RADIL: variants seen among roughly 807,000 people sequenced by gnomAD.
The protein encoded by RADIL is Rap associating with DIL domain.
RADIL carries 99 observed loss-of-function variants against 97.6 expected under a neutral mutation model. The ratio of observed to expected loss-of-function variants is 1.01; its 90% CI spans 0.86 to 1.20. RADIL has a LOEUF of 1.20. Among genes scored for constraint, RADIL ranks in the 50% most tolerant of loss-of-function variants. RADIL has a pLI of 0.00. For synonymous variants in RADIL, 803 were observed against 691.8 expected (o/e 1.16, Z -2.52); for missense variants, 1,765 against 1,498.9 (o/e 1.18, Z -2.93).
chr7:4,861,505 G>C, intron 2 of RADIL: 2 of 1,614,090 alleles, frequency 1.2e-6, no homozygotes, highest in Non-Finnish European at 1.7e-6. Context: ...ATCTGTAAGA[G>C]CCAAACGTAA....
In RADIL at chr7:4,873,823, C is replaced by T. The variant is rs1281775858; in HGVS notation, c.535+3782G>A. On this transcript the variant is annotated intron_variant, in intron 2 of 14. Transcript: ENST00000399583. The surrounding 1 kb of genome is among the most constrained non-coding windows in gnomAD (Gnocchi z 4.3). ...CCGGAGGTATGTAATGGAGAGGACA[C>T]GGTGGGTGTTAGGAAAGCCTCCCCA... 6.6e-6 allele frequency among the ~76,000 whole-genome samples: 1 copy of T among 152,190 alleles called. No homozygotes were observed. The highest frequency in any genetic ancestry group is 1.5e-5 in the Non-Finnish European group (1 of 68,026).
chr7:4,865,536 A>AT (rs1784111943), intron 2 of RADIL: 9 of 785,484 alleles, frequency 1.1e-5, no homozygotes, highest in Non-Finnish European at 1.9e-5. Flanking sequence ...TTCTTCAAAT[A>AT]TTTTTTGTTG....
rs746765966 is a variant in RADIL, at chr7:4,877,780, G to A, written c.360C>T (p.Gly120=). 27 of 1,612,062 alleles carry A rather than the reference G, an allele frequency of 1.7e-5. No homozygotes were observed. The East Asian group carries it at 3.6e-4, about 21-fold the overall frequency. The change falls in exon 2 of 15, where the codon GGC becomes GGT. Residue 120 remains glycine (G), a synonymous_variant. Transcript: ENST00000399583. ...GGGCCTGCCACCGCTGCCCAGCATCGCCGGCTTGGCCCACCACGTCACACA... is the reference window on the plus strand; with the variant it reads ...GGGCCTGCCACCGCTGCCCAGCATCACCGGCTTGGCCCACCACGTCACACA... ...YVLCDVVGQA[G]DAGQRWQARC...
chr7:4,877,504 GC>G (rs35951930), intron 2 of RADIL, 100 bp downstream of exon 2: 2 of 1,334,808 alleles, frequency 1.5e-6, no homozygotes, highest in East Asian at 4.7e-5. Flanking sequence ...GAGCGAGCCC[GC>G]CCCACGCATG....
In RADIL at chr7:4,883,029, G is replaced by A. The variant is rs948829289; in HGVS notation, c.-65+567C>T. On this transcript the variant is annotated intron_variant, in intron 1 of 14. Transcript: ENST00000399583. This position sits in a 1 kb window ranked among gnomAD's most constrained non-coding sequence, Gnocchi z 7.1. ...TATCTTGGATGCAGTATTTGTCGAGGGGCTGGAAATGGTACATAAATAGCC... is the reference window on the plus strand; with the variant it reads ...TATCTTGGATGCAGTATTTGTCGAGAGGCTGGAAATGGTACATAAATAGCC... 6.6e-6 allele frequency among the ~76,000 whole-genome samples: 1 copy of A among 152,204 alleles called. No individual in the cohort carries two copies. Among genetic ancestry groups the A allele is most frequent in the Non-Finnish European group, 1.5e-5 (1 of 68,036 alleles).
chr7:4,808,991 CCCCGCGTCCCCT>C (rs1225695371), intron 9 of RADIL: 4 of 834,872 alleles, frequency 4.8e-6, no homozygotes, highest in Admixed American at 8.2e-5. Flanking sequence ...GCCACTGCCC[CCCCGCGTCCCCT>C]TCCGACGCCA....
rs975231460 is a variant in RADIL, at chr7:4,837,983, G to T, written c.536-1378C>A. ...AAAAGCCGGATGGAGGGAGGCGTCAGCTGGCTGAGGAAGACCCTTACCAGC... is the reference window on the plus strand; with the variant it reads ...AAAAGCCGGATGGAGGGAGGCGTCATCTGGCTGAGGAAGACCCTTACCAGC... On this transcript the variant is annotated intron_variant, in intron 2 of 14. Coordinates refer to ENST00000399583, the MANE Select transcript of RADIL (RefSeq NM_018059.5). The surrounding 1 kb of genome is among the most constrained non-coding windows in gnomAD (Gnocchi z 5.6). 44 of 985,298 alleles carry T rather than the reference G, an allele frequency of 4.5e-5. No individual in the cohort carries two copies. The highest frequency in any genetic ancestry group is 5.2e-5 in the Non-Finnish European group (43 of 829,944). 61.0% of individuals were successfully genotyped at this position (985,298 alleles called of 1,614,324 possible). A position where few individuals can be genotyped will look rare whatever the true frequency, so the allele number is the denominator to read the frequency against.
chr7:4,851,108 G>A (rs1783697744), intron 2 of RADIL, among the ~76,000 whole-genome samples: 1 of 152,004 alleles, frequency 6.6e-6, no homozygotes, highest in Admixed American at 6.6e-5. Flanking sequence ...AGGAGGCTGA[G>A]GCAGGAGAAT....
At chr7:4,820,342 G>A (rs910135001) in intron 6 of RADIL, among the ~76,000 whole-genome samples, 2 of 152,246 alleles carry the variant, frequency 1.3e-5, no homozygotes, top group Admixed American at 1.3e-4. Context: ...CTGTAGCTGG[G>A]CAGCTGGAGG....
At chr7:4,877,582 C>T (rs752775524) in intron 2 of RADIL, 23 bp downstream of exon 2, 1 of 1,571,890 alleles carries the variant, frequency 6.4e-7, no homozygotes, top group African/African-American at 1.4e-5. Context: ...CACGGCTCTT[C>T]CTGAACCTGT....
intron 10 of RADIL, among the ~76,000 whole-genome samples, chr7:4,804,963 G>A (rs1583261552): frequency 1.4e-5 from 2 of 145,892 alleles, no homozygotes; most frequent in South Asian, 2.2e-4. Flanking sequence ...GCGTGGTGGC[G>A]GACACCTGTA....
chr7:4,855,479 G>T (rs541289522), intron 2 of RADIL, among the ~76,000 whole-genome samples: 1 of 151,964 alleles, frequency 6.6e-6, no homozygotes, highest in African/African-American at 2.4e-5. Context: ...GTGTGGGCCC[G>T]TCAACTGTGC....
chr7:4,857,609 C>T (rs1192854728), intron 2 of RADIL: 1 of 152,592 alleles, frequency 6.6e-6, no homozygotes, highest in Non-Finnish European at 1.5e-5. Context: ...AACATTACTA[C>T]GTTCTAGACT....
At chr7:4,850,705 GAA>G in intron 2 of RADIL, among the ~76,000 whole-genome samples, 1 of 152,212 alleles carries the variant, frequency 6.6e-6, no homozygotes, top group Admixed American at 6.5e-5. Context: ...AAACCACAAG[GAA>G]TTGAACTCTG....
At chr7:4,800,533 T>TG (rs1782047954) in intron 12 of RADIL, among the ~76,000 whole-genome samples, 1 of 151,976 alleles carries the variant, frequency 6.6e-6, no homozygotes, top group Non-Finnish European at 1.5e-5. Flanking sequence ...AGCACCTCAG[T>TG]CCCCGCCCCT....
intron 2 of RADIL, among the ~76,000 whole-genome samples, chr7:4,845,750 A>C (rs1409925322): frequency 6.6e-6 from 1 of 152,252 alleles, no homozygotes; most frequent in African/African-American, 2.4e-5. Context: ...TACTCAGGGA[A>C]CAACAATCGC....
intron 2 of RADIL, among the ~76,000 whole-genome samples, chr7:4,868,439 T>A (rs1784179178): frequency 6.6e-6 from 1 of 152,212 alleles, no homozygotes; most frequent in Non-Finnish European, 1.5e-5. Flanking sequence ...CCCTCACAAC[T>A]TCTTTGCCTT....
intron 2 of RADIL, among the ~76,000 whole-genome samples, chr7:4,870,604 G>T (rs1784230587): frequency 6.6e-6 from 1 of 152,100 alleles, no homozygotes. Context: ...ACCATGCCTG[G>T]CTAATTTTTT....
At chr7:4,841,761 T>C (rs1783445280) in intron 2 of RADIL, among the ~76,000 whole-genome samples, 1 of 152,200 alleles carries the variant, frequency 6.6e-6, no homozygotes, top group Non-Finnish European at 1.5e-5. Flanking sequence ...ATGTACACTT[T>C]CTGACATTTT....
Sources: allele counts gnomAD v4.1 joint callset (sites outside exome capture counted in the v4.1 genomes callset), GRCh38; gene constraint gnomAD v4.1.1; non-coding constraint Gnocchi (gnomAD v3.1); transcripts MANE v1.5; gene names NCBI Gene and HGNC (gene_info 2026-07-23, HGNC 2026-07-21).